The following NEDD1 variants were observed in gnomAD, a reference collection of about 807,000 sequenced individuals.
The protein encoded by NEDD1 is NEDD1 gamma-tubulin ring complex targeting factor, also known as protein NEDD1.
Under a neutral mutation model 74.0 loss-of-function variants are expected in NEDD1, and 33 were observed. That is an observed-to-expected ratio of 0.45 (90% CI 0.34 to 0.60). The LOEUF is 0.60. Ranked by LOEUF, NEDD1 falls within the 20% of genes least tolerant of loss-of-function variation. The pLI is 0.01. For synonymous variants in NEDD1, 250 were observed against 264.4 expected (o/e 0.95, Z 0.53); for missense variants, 746 against 776.5 (o/e 0.96, Z 0.47).
At chr12:96,947,896 T>A (rs1878351672) in intron 14 of NEDD1, among the ~76,000 whole-genome samples, 1 of 152,118 alleles carries the variant, frequency 6.6e-6, no homozygotes, top group South Asian at 2.1e-4. Flanking sequence ...CTAGGAGTGG[T>A]GGGTAGGGAC....
At chr12:96,944,318 A>G (rs192756029) in intron 12 of NEDD1, among the ~76,000 whole-genome samples, 93 of 152,112 alleles carry the variant, frequency 6.1e-4, no homozygotes, top group African/African-American at 2.1e-3. Context: ...TATTTTGCAA[A>G]TATTATTGAC....
chr12:96,924,389 A>G (rs769733490), intron 6 of NEDD1, among the ~76,000 whole-genome samples: 19 of 152,224 alleles, frequency 1.2e-4, no homozygotes, highest in Non-Finnish European at 2.2e-4. Flanking sequence ...TATTGGATCT[A>G]TGGACCAATT....
Position 96,917,663 on chromosome 12 carries a change from T to C in NEDD1, c.274T>C (p.Leu92=). 1 of 1,556,248 alleles carries C rather than the reference T, an allele frequency of 6.4e-7. No individual in the cohort carries two copies. The highest frequency in any genetic ancestry group is 8.6e-7 in the Non-Finnish European group (1 of 1,161,572). ...CAATTTAAATTCTACATCTATGTAT[T>C]TGGTAAGCGGAGGCCTAAATAACAC... is the stretch of plus-strand genomic sequence containing the variant. ...CVNLNSTSMY[L]VSGGLNNTVN... is the part of the protein sequence containing the mutation. The change falls in exon 5 of 16, where the codon TTG becomes CTG. Residue 92 remains leucine, a synonymous_variant. Coordinates refer to ENST00000266742, the MANE Select transcript of NEDD1 (RefSeq NM_152905.4).
At chr12:96,909,656 A>C (rs1873693561) in intron 2 of NEDD1, 96 bp from the exon 3 acceptor site, 2 of 943,976 alleles carry the variant, frequency 2.1e-6, no homozygotes, top group Non-Finnish European at 3.2e-6. Context: ...AAAATGAATG[A>C]GTTAGAGCCA....
Position 96,953,633 on chromosome 12 carries a change from T to G in NEDD1, c.*1580T>G, listed in dbSNP as rs1049685536. The G allele has an allele frequency of 6.6e-6, 1 of 151,846 alleles. No homozygotes were observed. The highest frequency in any genetic ancestry group is 2.4e-5 in the African/African-American group (1 of 41,416). 9.4% of individuals were successfully genotyped at this position (151,846 alleles called of 1,614,324 possible). A position where few individuals can be genotyped will look rare whatever the true frequency, so the allele number is the denominator to read the frequency against. On this transcript the variant is annotated 3_prime_UTR_variant, in exon 16 of 16. Transcript: ENST00000266742. ...ATTATGTGTACAGATGAAACATTTT[T>G]GTCATGGAATTTAAAAGCTAAGTAA...
intron 6 of NEDD1, among the ~76,000 whole-genome samples, chr12:96,930,488 A>C (rs769419365): frequency 6.6e-6 from 1 of 152,124 alleles, no homozygotes; most frequent in Non-Finnish European, 1.5e-5. Context: ...AAATTGTGAC[A>C]ACATATATGA....
intron 4 of NEDD1, among the ~76,000 whole-genome samples, chr12:96,913,027 A>C (rs866107342): frequency 2.0e-5 from 3 of 152,326 alleles, no homozygotes; most frequent in Middle Eastern, 3.4e-3. Context: ...TAGGGGAACA[A>C]TTGAAGACTT....
chr12:96,934,869 C>T, intron 6 of NEDD1, 107 bp from the exon 7 acceptor site: 1 of 738,856 alleles, frequency 1.4e-6, no homozygotes, highest in South Asian at 1.7e-5. Flanking sequence ...TCAGAGAAAT[C>T]CTAAACCCCA....
At chr12:96,928,437 C>A (rs1875951918) in intron 6 of NEDD1, among the ~76,000 whole-genome samples, 1 of 152,050 alleles carries the variant, frequency 6.6e-6, no homozygotes, top group African/African-American at 2.4e-5. Flanking sequence ...AGTACAAGTT[C>A]TCTTTCAATG....
rs1875220147 is a variant in NEDD1 at position 96,922,581 on chromosome 12, C to T, written c.489+2456C>T. Among the ~76,000 whole-genome samples, 3 of 152,232 alleles carry T rather than the reference C, an allele frequency of 2.0e-5. No individual in the cohort carries two copies. The South Asian group carries it at 6.2e-4, about 32-fold the overall frequency. On this transcript the variant is annotated intron_variant, in intron 6 of 15. Transcript: ENST00000266742. ...AGACATGAAGGAATATTCCTGAAAACATTAGGTTTGACTATACCTTTTGGC... is the reference window on the plus strand; with the variant it reads ...AGACATGAAGGAATATTCCTGAAAATATTAGGTTTGACTATACCTTTTGGC...
chr12:96,926,506 A>T (rs1226313394), intron 6 of NEDD1, among the ~76,000 whole-genome samples: 1 of 151,732 alleles, frequency 6.6e-6, no homozygotes, highest in Non-Finnish European at 1.5e-5. Flanking sequence ...GATTTTACAT[A>T]CTTATGTTTT....
At chr12:96,930,264 TG>T (rs1876312757) in intron 6 of NEDD1, among the ~76,000 whole-genome samples, 1 of 149,080 alleles carries the variant, frequency 6.7e-6, no homozygotes, top group Non-Finnish European at 1.5e-5. Flanking sequence ...CATGCTGTGT[TG>T]GGGATTTCTA....
At chr12:96,926,374 A>T (rs1024292135) in intron 6 of NEDD1, among the ~76,000 whole-genome samples, 28 of 152,010 alleles carry the variant, frequency 1.8e-4, no homozygotes, top group African/African-American at 6.3e-4. Context: ...GTACCATTTT[A>T]TTTCATTTTT....
chr12:96,913,372 T>A (rs1159280464), intron 4 of NEDD1, among the ~76,000 whole-genome samples: 1 of 151,164 alleles, frequency 6.6e-6, no homozygotes, highest in Non-Finnish European at 1.5e-5. Flanking sequence ...TGTTGCCTTA[T>A]CCTTTTTTTT....
chr12:96,926,900 G>A (rs991656722), intron 6 of NEDD1, among the ~76,000 whole-genome samples: 1 of 151,692 alleles, frequency 6.6e-6, no homozygotes, highest in African/African-American at 2.4e-5. Context: ...GGTGAGAGGA[G>A]AGATTGAGCC....
At chr12:96,947,045 T>A (rs1354999455) in intron 14 of NEDD1, among the ~76,000 whole-genome samples, 1 of 152,222 alleles carries the variant, frequency 6.6e-6, no homozygotes, top group African/African-American at 2.4e-5. Flanking sequence ...TATTCAATAA[T>A]TATCTATTAG....
intron 6 of NEDD1, among the ~76,000 whole-genome samples, chr12:96,927,536 A>G (rs1875846983): frequency 6.6e-6 from 1 of 152,232 alleles, no homozygotes; most frequent in Admixed American, 6.5e-5. Context: ...CTCAAGCTGC[A>G]GCCTTTTCCA....
intron 14 of NEDD1, among the ~76,000 whole-genome samples, chr12:96,946,165 G>A (rs896096150): frequency 6.6e-6 from 1 of 152,074 alleles, no homozygotes; most frequent in African/African-American, 2.4e-5. Flanking sequence ...TTCTTAACCT[G>A]CAGTATGTTC....
At chr12:96,929,111 T>C (rs1876060216) in intron 6 of NEDD1, among the ~76,000 whole-genome samples, 1 of 151,918 alleles carries the variant, frequency 6.6e-6, no homozygotes, top group Non-Finnish European at 1.5e-5. Flanking sequence ...TTTTCTTTGC[T>C]TATCTTCAGT....
Sources: allele counts gnomAD v4.1 joint callset (sites outside exome capture counted in the v4.1 genomes callset), GRCh38; gene constraint gnomAD v4.1.1; transcripts MANE v1.5; gene names NCBI Gene and HGNC (gene_info 2026-07-23, HGNC 2026-07-21).